The following SCLY variants were observed in gnomAD, a reference collection of about 807,000 sequenced individuals.
SCLY encodes selenocysteine lyase, also known as putative selenocysteine lyase.
In SCLY, 38 loss-of-function variants were observed where a neutral mutation model predicts 50.1. That is an observed-to-expected ratio of 0.76 (90% CI 0.59 to 0.99). The LOEUF (loss-of-function observed/expected upper bound fraction) is 0.99. Ranked by LOEUF, SCLY falls within the 50% of genes least tolerant of loss-of-function variation. SCLY has a pLI of 0.00. For synonymous variants in SCLY, 243 were observed against 249.4 expected, an observed-to-expected ratio of 0.97 and a Z score of 0.24; for missense variants, 600 against 620.0, an observed-to-expected ratio of 0.97 and a Z score of 0.34.
chr2:238,071,305 A>G (rs2065124997), intron 4 of SCLY, among the ~76,000 whole-genome samples: 1 of 152,196 alleles, frequency 6.6e-6, no homozygotes, highest in South Asian at 2.1e-4. Flanking sequence ...TATTATAGAA[A>G]AGTATAAAGT....
intron 1 of SCLY, among the ~76,000 whole-genome samples, chr2:238,062,263 G>C (rs566111536): frequency 6.6e-6 from 1 of 152,290 alleles, no homozygotes; most frequent in South Asian, 2.1e-4. Flanking sequence ...TACTTTGGAT[G>C]CTTATTTATA....
At chr2:238,078,903 G>A (rs2065201462) in intron 4 of SCLY, 2 of 151,920 alleles carry the variant, frequency 1.3e-5, no homozygotes, top group African/African-American at 4.8e-5. Context: ...ATGTTGGCCA[G>A]GCTGATCTTG....
Position 238,065,660 on chromosome 2 carries a change from T to TTTA in SCLY, c.202+1221_202+1223dup, listed in dbSNP as rs61131460. Among the ~76,000 whole-genome samples the TTTA allele has an allele frequency of 6.8e-3, 977 of 143,494 alleles. 5 individuals are homozygous for TTTA. Among genetic ancestry groups the TTTA allele is most frequent in the East Asian group, 0.023 (117 of 5,000 alleles). The allele number at this position is 143,494 out of a possible 152,430, so 94.1% of individuals were successfully genotyped here. ...GTTATTTAAACTAATAATATTTTAT[T>TTTA]TTATTATTATTATTATTATTATTAT... On this transcript the variant is annotated intron_variant, in intron 2 of 11. Coordinates refer to ENST00000254663, the MANE Select transcript of SCLY (RefSeq NM_016510.7).
rs1431715156 is a variant in SCLY, at chr2:238,067,260, C to G, written c.203-805C>G. Among the ~76,000 whole-genome samples, 2 of 152,198 alleles carry G rather than the reference C, an allele frequency of 1.3e-5. No individual in the cohort carries two copies. The highest frequency in any genetic ancestry group is 1.3e-4 in the Admixed American group (2 of 15,280). ...TCTATACAGTAGCGTTAAGGAGCAG[C>G]AGAATTACTTTGCATATTTATTTTA... On this transcript the variant is annotated intron_variant, in intron 2 of 11. Transcript: ENST00000254663. This position sits in a 1 kb window ranked among gnomAD's most constrained non-coding sequence, Gnocchi z 4.3.
At position 238,098,792 on chromosome 2, in the gene SCLY, A is replaced by G. The variant is rs1035370813; in HGVS notation, c.*437A>G. The G allele has an allele frequency of 5.2e-5, 19 of 363,452 alleles. No individual in the cohort carries two copies. Among genetic ancestry groups the G allele is most frequent in the African/African-American group, 3.2e-4 (15 of 46,830 alleles). 22.5% of individuals were successfully genotyped at this position (363,452 alleles called of 1,614,324 possible). On this transcript the variant is annotated 3_prime_UTR_variant, in exon 12 of 12. Coordinates refer to ENST00000254663, the MANE Select transcript of SCLY (RefSeq NM_016510.7). ...TCTGGAAGATAGAATCCAAGTATTT[A>G]TAACTCATTGTCAGCCAAATGCTAT...
chr2:238,073,849 T>C, intron 4 of SCLY: 1 of 442,816 alleles, frequency 2.3e-6, no homozygotes, highest in Non-Finnish European at 4.5e-6. Flanking sequence ...TAATTAATAG[T>C]AAATATATTT....
intron 10 of SCLY, among the ~76,000 whole-genome samples, chr2:238,096,338 A>G (rs2065435988): frequency 6.6e-6 from 1 of 152,260 alleles, no homozygotes; most frequent in African/African-American, 2.4e-5. Context: ...GGTGTAAGCC[A>G]CTGCACCTGG....
At chr2:238,065,660 T>TTATTATTATTATTATTATTA (rs1553564089) in intron 2 of SCLY, among the ~76,000 whole-genome samples, 1 of 143,514 alleles carries the variant, frequency 7.0e-6, no homozygotes, top group African/African-American at 2.6e-5. Context: ...AATATTTTAT[T>TTATTATTATTATTATTATTA]TTATTATTAT....
intron 8 of SCLY, chr2:238,091,638 C>T (rs1574714094): frequency 4.3e-6 from 1 of 234,564 alleles, no homozygotes; most frequent in East Asian, 1.1e-4. Flanking sequence ...CTGCCACCAG[C>T]CCTCCACTGG....
At chr2:238,095,908 C>CT (rs35898194) in intron 10 of SCLY, 39,273 of 140,022 alleles carry the variant, frequency 0.28, 5,853 homozygotes, top group South Asian at 0.42. Context: ...ACCTGGATAA[C>CT]TTTTTTTTTT....
intron 8 of SCLY, 78 bp from the exon 9 acceptor site, chr2:238,093,783 C>A (rs969903427): frequency 7.5e-7 from 1 of 1,329,414 alleles, no homozygotes; most frequent in Non-Finnish European, 1.1e-6. Flanking sequence ...GGAAATGCCA[C>A]CTGTACCGTT....
chr2:238,098,147 G>T, intron 11 of SCLY, 55 bp from the exon 12 acceptor site: 1 of 1,582,648 alleles, frequency 6.3e-7, no homozygotes. Flanking sequence ...AGGGGGGGCT[G>T]TGTCTCTTCC....
chr2:238,085,713 C>A (rs1288244542), intron 7 of SCLY, among the ~76,000 whole-genome samples: 1 of 151,912 alleles, frequency 6.6e-6, no homozygotes, highest in Non-Finnish European at 1.5e-5. Context: ...CAGAGCGGGA[C>A]TCTGTCTCAA....
chr2:238,067,961 G>C lies in SCLY; in HGVS notation c.203-104G>C, dbSNP rs1023768025. On this transcript the variant is annotated intron_variant, in intron 2 of 11. Coordinates refer to ENST00000254663, the MANE Select transcript of SCLY (RefSeq NM_016510.7). This position sits in a 1 kb window ranked among gnomAD's most constrained non-coding sequence, Gnocchi z 4.3. ...AAGGGGCCAGGTTTTGTCTTAGAAC[G>C]GCCCACGCAGACCTCTTATTCCTTT... 1.3e-6 allele frequency: 1 copy of C among 763,700 alleles called. No individual in the cohort carries two copies. Among genetic ancestry groups the C allele is most frequent in the African/African-American group, 1.8e-5 (1 of 56,958 alleles). 47.3% of individuals were successfully genotyped at this position (763,700 alleles called of 1,614,324 possible). A position where few individuals can be genotyped will look rare whatever the true frequency, so the allele number is the denominator to read the frequency against.
chr2:238,062,710 C>A (rs1410614410), intron 1 of SCLY, among the ~76,000 whole-genome samples: 1 of 152,260 alleles, frequency 6.6e-6, no homozygotes, highest in Non-Finnish European at 1.5e-5. Flanking sequence ...CAGGGCACAG[C>A]CTGTTGAGTG....
At position 238,069,506 on chromosome 2, in the gene SCLY, C is replaced by T. The variant is rs776368666; in HGVS notation, c.484+29C>T. 6.4e-7 allele frequency: 1 copy of T among 1,571,354 alleles called. No individual in the cohort carries two copies. The highest frequency in any genetic ancestry group is 2.3e-5 in the East Asian group (1 of 43,896). ...AGTGAGTGCAGGGTGGCCCTGGGAC[C>T]AGCCTGCTGAGCTCCAGCTGCGAGG... On this transcript the variant is annotated intron_variant, in intron 4 of 11. Transcript: ENST00000254663. This position sits in a 1 kb window ranked among gnomAD's most constrained non-coding sequence, Gnocchi z 5.0.
chr2:238,082,233 C>T (rs1295584438), intron 6 of SCLY, 24 bp downstream of exon 6: 5 of 1,569,078 alleles, frequency 3.2e-6, no homozygotes, highest in Non-Finnish European at 4.3e-6. Context: ...GGCTTCCTGC[C>T]TCTGTGGGCA....
intron 1 of SCLY, among the ~76,000 whole-genome samples, chr2:238,062,502 C>T (rs1029928448): frequency 3.9e-5 from 6 of 151,934 alleles, no homozygotes; most frequent in African/African-American, 9.7e-5. Context: ...ATCCACTGCC[C>T]GGGTTCAAAC....
rs1433969078 is a variant in SCLY at position 238,093,914 on chromosome 2, C to T, written c.975C>T (p.Asp325=). ...AGGCTTATGAGGCCCACATGAGGGA[C>T]GTCCGCGACTACCTGGAAGAGAGGC... ...NCEAYEAHMR[D]VRDYLEERLE... is the part of the protein sequence containing the mutation. Residue 325 remains aspartate, a synonymous_variant, in exon 9 of 12, where the codon GAC becomes GAT. Coordinates refer to ENST00000254663, the MANE Select transcript of SCLY (RefSeq NM_016510.7). 21 of 1,613,928 alleles carry T rather than the reference C, an allele frequency of 1.3e-5. No homozygotes were observed. The highest frequency in any genetic ancestry group is 6.7e-5 in the African/African-American group (5 of 75,042).
Sources: allele counts gnomAD v4.1 joint callset (sites outside exome capture counted in the v4.1 genomes callset), GRCh38; gene constraint gnomAD v4.1.1; non-coding constraint Gnocchi (gnomAD v3.1); transcripts MANE v1.5; gene names NCBI Gene and HGNC (gene_info 2026-07-23, HGNC 2026-07-21).